SLFN12L: variants seen among roughly 807,000 people sequenced by gnomAD.
SLFN12L encodes the protein schlafen family member 12-like.
Under a neutral mutation model 34.8 loss-of-function variants are expected in SLFN12L, and 34 were observed. The observed-to-expected ratio is 0.98, with a 90% CI of 0.74 to 1.30. SLFN12L has a LOEUF of 1.30. Among genes scored for constraint, SLFN12L ranks in the 50% most tolerant of loss-of-function variants. The probability of loss-of-function intolerance (pLI) is 0.00; values close to 1 mark genes in which losing one functional copy is unlikely to be tolerated. For synonymous variants in SLFN12L, 259 were observed against 247.5 expected, an observed-to-expected ratio of 1.05 and a Z score of -0.44; for missense variants, 703 against 696.2, an observed-to-expected ratio of 1.01 and a Z score of -0.11.
chr17:35,501,040 A>G (rs1417558832), intron 2 of SLFN12L, among the ~76,000 whole-genome samples: 1 of 152,162 alleles, frequency 6.6e-6, no homozygotes, highest in African/African-American at 2.4e-5. Flanking sequence ...TCAGTGTCTG[A>G]GGGGTTTTGT....
intron 2 of SLFN12L, among the ~76,000 whole-genome samples, chr17:35,489,413 C>T (rs749039722): frequency 2.0e-5 from 3 of 151,966 alleles, no homozygotes; most frequent in Non-Finnish European, 4.4e-5. Flanking sequence ...AATAACCGGG[C>T]GTGGTGGCAG....
chr17:35,486,800 T>G (rs1914599044), intron 2 of SLFN12L, among the ~76,000 whole-genome samples: 1 of 152,110 alleles, frequency 6.6e-6, no homozygotes, highest in Non-Finnish European at 1.5e-5. Context: ...TTAATGGGAA[T>G]GGGGGTGGCA....
intron 2 of SLFN12L, among the ~76,000 whole-genome samples, chr17:35,503,375 TAAAA>T (rs1229753200): frequency 2.6e-5 from 4 of 152,168 alleles, no homozygotes; most frequent in African/African-American, 9.6e-5. Context: ...TATAAAAGGT[TAAAA>T]AGAGTCTATA....
intron 2 of SLFN12L, among the ~76,000 whole-genome samples, chr17:35,487,052 A>G (rs1313795273): frequency 6.6e-6 from 1 of 152,244 alleles, no homozygotes. Flanking sequence ...TCTAGGGCGC[A>G]GTTCGTCAGT....
At chr17:35,536,651 A>T (rs941199782) in intron 1 of SLFN12L, among the ~76,000 whole-genome samples, 4 of 151,794 alleles carry the variant, frequency 2.6e-5, no homozygotes, top group African/African-American at 7.3e-5. Flanking sequence ...TACAAAATAT[A>T]AAAAAATTAG....
intron 2 of SLFN12L, among the ~76,000 whole-genome samples, chr17:35,516,252 C>G (rs1291116683): frequency 6.6e-6 from 1 of 152,188 alleles, no homozygotes; most frequent in East Asian, 1.9e-4. Flanking sequence ...AGGTTGGGGT[C>G]CCTACTAGGG....
intron 4 of SLFN12L, among the ~76,000 whole-genome samples, chr17:35,477,805 G>A (rs1191099774): frequency 6.6e-6 from 1 of 152,084 alleles, no homozygotes; most frequent in Non-Finnish European, 1.5e-5. Context: ...TATATTGCTG[G>A]TGGAAGTAAA....
chr17:35,516,749 A>G (rs559260192), intron 2 of SLFN12L, among the ~76,000 whole-genome samples: 1 of 152,372 alleles, frequency 6.6e-6, no homozygotes, highest in East Asian at 1.9e-4. Flanking sequence ...TCCATATACC[A>G]GTGCCATCCA....
chr17:35,466,066 C>T lies in SLFN12L; in HGVS notation c.*8857G>A, dbSNP rs990349509. 8.5e-5 allele frequency among the ~76,000 whole-genome samples: 13 copies of T among 152,064 alleles called. No homozygotes were observed. The highest frequency in any genetic ancestry group is 2.9e-4 in the African/African-American group (12 of 41,380). On this transcript the variant is annotated 3_prime_UTR_variant, in exon 5 of 5. Coordinates refer to ENST00000628453, the MANE Select transcript of SLFN12L (RefSeq NM_001363830.2). Reference sequence around the variant, plus strand: ...AAAGATTTTCCATATACCCACTGCCCGCACTCATGCATAGCCTCCCCCATT... The same window carrying T: ...AAAGATTTTCCATATACCCACTGCCTGCACTCATGCATAGCCTCCCCCATT...
At chr17:35,532,751 G>A (rs1253924384) in intron 1 of SLFN12L, among the ~76,000 whole-genome samples, 2 of 152,048 alleles carry the variant, frequency 1.3e-5, no homozygotes, top group Non-Finnish European at 2.9e-5. Flanking sequence ...AAATTAGCCA[G>A]GCATGATGGC....
chr17:35,524,282 C>T (rs1053338397), intron 1 of SLFN12L, among the ~76,000 whole-genome samples: 2 of 152,146 alleles, frequency 1.3e-5, no homozygotes, highest in Admixed American at 6.5e-5. Flanking sequence ...GGGGAAGGGG[C>T]GGCTGTGGGT....
chr17:35,522,781 G>T lies in SLFN12L; in HGVS notation c.-417C>A. 1 of 1,585,418 alleles carries T rather than the reference G, an allele frequency of 6.3e-7. No homozygotes were observed. Among genetic ancestry groups the T allele is most frequent in the Non-Finnish European group, 8.6e-7 (1 of 1,157,174 alleles). On this transcript the variant is annotated 5_prime_UTR_variant, in exon 2 of 5. In the 5' UTR this introduces an upstream ATG that the reference lacks. Transcript: ENST00000628453. Reference sequence around the variant, plus strand: ...CTGCCAGGGCTGTTCTATGCTATCAGCAGAGCATCACAGATGACTCCTGGC... The same window carrying T: ...CTGCCAGGGCTGTTCTATGCTATCATCAGAGCATCACAGATGACTCCTGGC...
At chr17:35,510,512 C>T (rs994832048) in intron 2 of SLFN12L, among the ~76,000 whole-genome samples, 1 of 152,170 alleles carries the variant, frequency 6.6e-6, no homozygotes, top group African/African-American at 2.4e-5. Flanking sequence ...AAAGGTCACA[C>T]GCTGTTATTC....
At position 35,479,410 on chromosome 17, in the gene SLFN12L, C is replaced by A; in HGVS notation, c.872G>T (p.Gly291Val). Reference sequence around the variant, plus strand: ...AAGATAACTCTTCTCTGCTTTAAAGCCAATTACTTCTTTATCTTCATTTAG... The same window carrying A: ...AAGATAACTCTTCTCTGCTTTAAAGACAATTACTTCTTTATCTTCATTTAG... ...VGLNEDKEVI[G>V]FKAEKSYLTK... Residue 291 changes from glycine to valine, a missense_variant, in exon 3 of 5, where the codon GGC becomes GTC. Gly to Val is a moderately radical substitution (Grantham distance 109). Transcript: ENST00000628453. 6.2e-7 allele frequency: 1 copy of A among 1,613,266 alleles called. No homozygotes were observed. Among genetic ancestry groups the A allele is most frequent in the Non-Finnish European group, 8.5e-7 (1 of 1,179,496 alleles).
chr17:35,520,323 T>G (rs1235109974), intron 2 of SLFN12L, among the ~76,000 whole-genome samples: 1 of 152,268 alleles, frequency 6.6e-6, no homozygotes, highest in Non-Finnish European at 1.5e-5. Flanking sequence ...ATGGACTGCT[T>G]CTGGCTGGTT....
At chr17:35,525,464 G>A (rs531553007) in intron 1 of SLFN12L, among the ~76,000 whole-genome samples, 2 of 152,184 alleles carry the variant, frequency 1.3e-5, no homozygotes, top group Non-Finnish European at 2.9e-5. Context: ...CAGAGAGAAA[G>A]GTTGGGTTAC....
intron 1 of SLFN12L, among the ~76,000 whole-genome samples, chr17:35,536,665 G>T (rs2072464253): frequency 6.6e-6 from 1 of 151,798 alleles, no homozygotes; most frequent in Non-Finnish European, 1.5e-5. Context: ...AAATTAGCTG[G>T]GTGTGGTGGT....
chr17:35,484,750 G>T (rs1264465422), intron 2 of SLFN12L, among the ~76,000 whole-genome samples: 1 of 152,186 alleles, frequency 6.6e-6, no homozygotes, highest in Non-Finnish European at 1.5e-5. Flanking sequence ...AGATTGGATT[G>T]CCAGGATGGT....
intron 2 of SLFN12L, chr17:35,490,673 A>G (rs1914802999): frequency 2.8e-6 from 3 of 1,075,452 alleles, no homozygotes; most frequent in Non-Finnish European, 4.3e-6. Flanking sequence ...CTGGACCTCA[A>G]ACTATTAACC....
Sources: allele counts gnomAD v4.1 joint callset (sites outside exome capture counted in the v4.1 genomes callset), GRCh38; gene constraint gnomAD v4.1.1; transcripts MANE v1.5; gene names NCBI Gene and HGNC (gene_info 2026-07-23, HGNC 2026-07-21).